The following RELN variants were observed in gnomAD, a reference collection of about 807,000 sequenced individuals.
RELN encodes reelin.
RELN carries 108 observed loss-of-function variants against 427.6 expected under a neutral mutation model. That is an observed-to-expected ratio of 0.25 (90% confidence interval 0.22 to 0.30). The LOEUF is 0.30. Among genes scored for constraint, RELN ranks in the 10% least tolerant of loss-of-function variants. The pLI is 1.00. For missense variants in RELN, 3,715 were observed against 4,302.8 expected, an observed-to-expected ratio of 0.86 and a Z score of 3.82; for synonymous variants, 1,524 against 1,513.4, an observed-to-expected ratio of 1.01 and a Z score of -0.16.
At chr7:103,585,825 T>G (rs1831256982) in intron 28 of RELN, among the ~76,000 whole-genome samples, 1 of 152,046 alleles carries the variant, frequency 6.6e-6, no homozygotes, top group South Asian at 2.1e-4. Context: ...ACCAGCAAAC[T>G]GAAAACAACA....
chr7:103,898,168 T>C (rs1010378497), intron 2 of RELN, among the ~76,000 whole-genome samples: 45 of 151,732 alleles, frequency 3.0e-4, no homozygotes, highest in African/African-American at 1.1e-3. Flanking sequence ...TTTTCTACAG[T>C]TTCTTAAGCA....
At chr7:103,562,068 A>G (rs1830656921) in intron 34 of RELN, 115 bp from the exon 35 acceptor site, 1 of 1,246,580 alleles carries the variant, frequency 8.0e-7, no homozygotes, top group Non-Finnish European at 1.1e-6. Flanking sequence ...TCCAGGGTCC[A>G]GTTCTCTCTT....
chr7:103,495,691 A>G (rs1828819332), intron 57 of RELN, 32 bp downstream of exon 57: 2 of 1,608,004 alleles, frequency 1.2e-6, no homozygotes, highest in Non-Finnish European at 1.7e-6. Context: ...ATGCAATGCT[A>G]CTTTCTGTTT....
intron 6 of RELN, among the ~76,000 whole-genome samples, chr7:103,744,165 T>A (rs1790751636): frequency 6.6e-6 from 1 of 152,116 alleles, no homozygotes; most frequent in South Asian, 2.1e-4. Flanking sequence ...GAATGACTAC[T>A]GGGTAAATAA....
Position 103,486,259 on chromosome 7 carries a change from C to G in RELN, c.9921G>C (p.Leu3307=). The G allele has an allele frequency of 6.2e-7, 1 of 1,614,196 alleles. No homozygotes were observed. Among genetic ancestry groups the G allele is most frequent in the Non-Finnish European group, 8.5e-7 (1 of 1,180,026 alleles). The change falls in exon 61 of 65, where the codon CTG becomes CTC. Residue 3307 remains leucine, a synonymous_variant. Transcript: ENST00000428762. The part of the protein sequence containing the change: ...QLAPYAHGDS[L]YFNGCQIRQA... ...GCCTGATCTGACAGCCATTAAAGTA[C>G]AGTGAGTCTCCATGGGCGTAGGGGG...
intron 3 of RELN, among the ~76,000 whole-genome samples, chr7:103,821,348 T>A (rs1228627552): frequency 6.6e-6 from 1 of 152,190 alleles, no homozygotes; most frequent in Admixed American, 6.6e-5. Context: ...TCCAGGCAGA[T>A]GCTGCAGTTG....
chr7:103,542,697 G>A (rs746567577), intron 43 of RELN, 34 bp downstream of exon 43: 3 of 1,611,554 alleles, frequency 1.9e-6, no homozygotes, highest in South Asian at 1.1e-5. Context: ...ACATTACGAT[G>A]TGGTTTTTTT....
intron 1 of RELN, among the ~76,000 whole-genome samples, chr7:103,984,111 G>T (rs1421175896): frequency 6.6e-6 from 1 of 151,174 alleles, no homozygotes; most frequent in African/African-American, 2.4e-5. Flanking sequence ...GATGGAGTAA[G>T]GCTTCTAGTT....
chr7:103,550,639 A>T (rs1830390268), intron 41 of RELN, among the ~76,000 whole-genome samples: 1 of 148,148 alleles, frequency 6.8e-6, no homozygotes. Flanking sequence ...TTTTAATGAG[A>T]CACCAGGAAT....
chr7:103,839,412 T>A (rs1466465239), intron 2 of RELN, among the ~76,000 whole-genome samples: 2 of 151,360 alleles, frequency 1.3e-5, no homozygotes, highest in Non-Finnish European at 2.9e-5. Context: ...TTGCAACTAT[T>A]AGAAATCCAT....
intron 1 of RELN, among the ~76,000 whole-genome samples, chr7:103,970,076 G>C (rs1361239920): frequency 6.6e-6 from 1 of 152,030 alleles, no homozygotes; most frequent in African/African-American, 2.4e-5. Context: ...CACACCTGAG[G>C]TCAAACAAGG....
intron 2 of RELN, among the ~76,000 whole-genome samples, chr7:103,870,622 T>A (rs1794308119): frequency 6.6e-6 from 1 of 152,122 alleles, no homozygotes; most frequent in Non-Finnish European, 1.5e-5. Flanking sequence ...CCTTCTGGTA[T>A]CTCAGCTAGA....
chr7:103,589,517 G>T, intron 28 of RELN, 79 bp downstream of exon 28: 2 of 943,072 alleles, frequency 2.1e-6, no homozygotes, highest in Non-Finnish European at 3.5e-6. Context: ...GATCTTTCAG[G>T]ATTACAACAT....
intron 1 of RELN, among the ~76,000 whole-genome samples, chr7:103,947,890 C>T (rs548320025): frequency 6.6e-6 from 1 of 152,278 alleles, no homozygotes; most frequent in East Asian, 1.9e-4. Context: ...TCTGAAATTT[C>T]TAACTTTTTC....
At position 103,498,247 on chromosome 7, in the gene RELN, G is replaced by C; in HGVS notation, c.8673C>G (p.Phe2891Leu). ...NCYLTHTLKT[F>L]LKERFDSEEI... ...CTTCACTGTCAAAGCGTTCCTTCAGGAAAGTCTGGAAATAAAATAAGCCAG... is the reference window on the plus strand; with the variant it reads ...CTTCACTGTCAAAGCGTTCCTTCAGCAAAGTCTGGAAATAAAATAAGCCAG... Residue 2891 changes from phenylalanine to leucine, a missense_variant, in exon 54 of 65, where the codon TTC becomes TTG. By Grantham distance (22) the Phe-to-Leu change is conservative. Around this residue, in one of 4 missense-constraint regions of RELN, gnomAD observed 1,310 missense variants for 1,643.0 expected, o/e 0.80. Transcript: ENST00000428762. 1 of 1,613,480 alleles carries C rather than the reference G, an allele frequency of 6.2e-7. No homozygotes were observed. The highest frequency in any genetic ancestry group is 8.5e-7 in the Non-Finnish European group (1 of 1,179,770).
At chr7:103,675,976 G>A (rs1383104235) in intron 11 of RELN, among the ~76,000 whole-genome samples, 1 of 152,086 alleles carries the variant, frequency 6.6e-6, no homozygotes, top group Non-Finnish European at 1.5e-5. Flanking sequence ...ACATAGGCAT[G>A]GGCAAGGACT....
chr7:103,846,099 CA>C (rs1323187461), intron 2 of RELN, among the ~76,000 whole-genome samples: 1 of 152,056 alleles, frequency 6.6e-6, no homozygotes, highest in Non-Finnish European at 1.5e-5. Context: ...TCATATGGAA[CA>C]AAAAAAGAGC....
Position 103,716,512 on chromosome 7 carries a change from C to T in RELN, c.805+6628G>A, listed in dbSNP as rs1218071552. On this transcript the variant is annotated intron_variant, in intron 8 of 64. Coordinates refer to ENST00000428762, the MANE Select transcript of RELN (RefSeq NM_005045.4). ...TTAATTGACAAGAAACTGGAAACTG[C>T]AGGCTCAGACTAAATTCTAACAATG... Among the ~76,000 whole-genome samples, 9 of 152,220 alleles carry T rather than the reference C, an allele frequency of 5.9e-5. No homozygotes were observed. In the East Asian group the frequency reaches 1.5e-3, roughly 26 times the overall value.
At chr7:103,703,726 A>G (rs529316880) in intron 8 of RELN, among the ~76,000 whole-genome samples, 1 of 152,316 alleles carries the variant, frequency 6.6e-6, no homozygotes, top group East Asian at 1.9e-4. Context: ...GTCACTTCCA[A>G]TGTAATCCTT....
Sources: gnomAD v4.1 joint callset for allele counts (sites outside exome capture counted in the v4.1 genomes callset) on GRCh38, gnomAD v4.1.1 for gene constraint, gnomAD v4.1.1 regional missense constraint, MANE v1.5 for transcripts, NCBI Gene and HGNC (gene_info 2026-07-23, HGNC 2026-07-21) for gene names.